The following MCTP1 variants were observed in gnomAD, a reference collection of about 807,000 sequenced individuals.
MCTP1 encodes multiple C2 and transmembrane domain-containing protein 1.
In MCTP1, 69 loss-of-function variants were observed where a neutral mutation model predicts 120.6. The ratio of observed to expected loss-of-function variants is 0.57; its 90% CI spans 0.47 to 0.70. The LOEUF (loss-of-function observed/expected upper bound fraction) is 0.70. MCTP1 is among the 30% of genes least tolerant of loss of function. MCTP1 has a pLI of 0.00. For missense variants in MCTP1, 1,203 were observed against 1,248.8 expected (o/e 0.96, Z 0.55); for synonymous variants, 529 against 493.1 (o/e 1.07, Z -0.96).
intron 1 of MCTP1, among the ~76,000 whole-genome samples, chr5:95,092,753 TAATA>T (rs1231317447): frequency 6.6e-6 from 1 of 151,984 alleles, no homozygotes; most frequent in Non-Finnish European, 1.5e-5. Flanking sequence ...TTTTCAAAAA[TAATA>T]AATAAAAAGA....
intron 1 of MCTP1, among the ~76,000 whole-genome samples, chr5:95,208,086 C>CTGT (rs779903449): frequency 3.3e-4 from 50 of 151,596 alleles, no homozygotes; most frequent in African/African-American, 1.1e-3. Context: ...ACAGATTACC[C>CTGT]TGTTGTTGTT....
intron 1 of MCTP1, among the ~76,000 whole-genome samples, chr5:95,232,248 C>A (rs1224149942): frequency 7.2e-6 from 1 of 139,466 alleles, no homozygotes; most frequent in African/African-American, 2.7e-5. Context: ...CAAAAGAAGA[C>A]AGATACAAAG....
chr5:94,717,308 C>T (rs1759715263), intron 19 of MCTP1, among the ~76,000 whole-genome samples: 1 of 152,082 alleles, frequency 6.6e-6, no homozygotes, highest in East Asian at 1.9e-4. Flanking sequence ...AAAAGGCCTT[C>T]GATAAAATTC....
At chr5:95,113,458 A>G (rs988220584) in intron 1 of MCTP1, among the ~76,000 whole-genome samples, 3 of 152,022 alleles carry the variant, frequency 2.0e-5, no homozygotes, top group African/African-American at 4.8e-5. Flanking sequence ...TGGAGAGAGA[A>G]TCTGTGCACT....
chr5:95,148,785 T>C (rs1582369540), intron 1 of MCTP1, among the ~76,000 whole-genome samples: 1 of 152,170 alleles, frequency 6.6e-6, no homozygotes. Context: ...CCTGTGTTGA[T>C]TCTTTCTCAT....
Position 94,872,754 on chromosome 5 carries a change from G to T in MCTP1, c.2036+385C>A, listed in dbSNP as rs1053770796. Among the ~76,000 whole-genome samples the T allele has an allele frequency of 2.0e-5, 3 of 152,200 alleles. No homozygotes were observed. In the East Asian group the frequency reaches 5.8e-4, roughly 30 times the overall value. On this transcript the variant is annotated intron_variant, in intron 13 of 22. Coordinates refer to ENST00000515393, the MANE Select transcript of MCTP1 (RefSeq NM_024717.7). ...AAAGCATCTGCCGAATTCGAGACTG[G>T]ATTGTTTGCTGATTTCAGCAATGGA...
chr5:95,188,781 T>C (rs942080158), intron 1 of MCTP1, among the ~76,000 whole-genome samples: 5 of 152,038 alleles, frequency 3.3e-5, no homozygotes, highest in African/African-American at 1.2e-4. Context: ...AAACTACACA[T>C]GAAATAAAAT....
At chr5:94,996,827 C>T (rs1017230350) in intron 2 of MCTP1, among the ~76,000 whole-genome samples, 1 of 152,008 alleles carries the variant, frequency 6.6e-6, no homozygotes, top group African/African-American at 2.4e-5. Context: ...ATTCCATGAT[C>T]CATAATTCAC....
intron 17 of MCTP1, chr5:94,826,535 T>C: frequency 4.2e-6 from 3 of 714,502 alleles, no homozygotes; most frequent in Non-Finnish European, 7.7e-6. Context: ...TGATAGTGCT[T>C]CATTTTTTCA....
chr5:94,955,654 T>C (rs971787230), intron 2 of MCTP1, among the ~76,000 whole-genome samples: 4 of 152,120 alleles, frequency 2.6e-5, no homozygotes, highest in Non-Finnish European at 5.9e-5. Context: ...CTGCAGAAAG[T>C]TCAGACAGGG....
intron 2 of MCTP1, among the ~76,000 whole-genome samples, chr5:94,998,254 A>C (rs952877428): frequency 1.3e-5 from 2 of 152,180 alleles, no homozygotes; most frequent in African/African-American, 4.8e-5. Flanking sequence ...AAAATTGCTA[A>C]ACTATTTATT....
At chr5:94,961,899 T>C (rs1227524981) in intron 2 of MCTP1, among the ~76,000 whole-genome samples, 5 of 152,184 alleles carry the variant, frequency 3.3e-5, no homozygotes, top group African/African-American at 7.2e-5. Flanking sequence ...ATGTGATTTT[T>C]TTCTTGCTAA....
rs75523236 is a variant in MCTP1, at chr5:94,812,336, T to G, written c.2437-13204A>C. ...ACAAGCTTCAGGAAGGTTTCAGATC[T>G]CTCTGAAATTTAATGTCCTCTCAAG... On this transcript the variant is annotated intron_variant, in intron 17 of 22. Coordinates refer to ENST00000515393, the MANE Select transcript of MCTP1 (RefSeq NM_024717.7). 3.4e-4 allele frequency among the ~76,000 whole-genome samples: 52 copies of G among 152,046 alleles called. No individual in the cohort carries two copies. In the East Asian group the frequency reaches 0.01, roughly 29 times the overall value.
At position 94,821,362 on chromosome 5, in the gene MCTP1, T is replaced by A. The variant is rs114578216; in HGVS notation, c.2437-22230A>T. On this transcript the variant is annotated intron_variant, in intron 17 of 22. Transcript: ENST00000515393. Reference sequence around the variant, plus strand: ...TATCAAGAAAATTGTGAATCATGTATCTGATAGGGTTTCCCTTCATCGACC... The same window carrying A: ...TATCAAGAAAATTGTGAATCATGTAACTGATAGGGTTTCCCTTCATCGACC... Among the ~76,000 whole-genome samples the A allele has an allele frequency of 3.2e-3, 492 of 152,256 alleles. 5 individuals are homozygous for A. The highest frequency in any genetic ancestry group is 0.011 in the African/African-American group (472 of 41,558).
chr5:94,993,613 C>G (rs1832036749), intron 2 of MCTP1, among the ~76,000 whole-genome samples: 2 of 152,140 alleles, frequency 1.3e-5, no homozygotes, highest in Admixed American at 6.6e-5. Flanking sequence ...TACAGAAACT[C>G]TAAATGGCAT....
intron 19 of MCTP1, among the ~76,000 whole-genome samples, chr5:94,754,423 A>T (rs1554088160): frequency 6.6e-6 from 1 of 152,258 alleles, no homozygotes; most frequent in Non-Finnish European, 1.5e-5. Context: ...CAGAGTTTTA[A>T]ATCTCAATAA....
chr5:94,752,847 G>A (rs1398263979), intron 19 of MCTP1, among the ~76,000 whole-genome samples: 1 of 152,184 alleles, frequency 6.6e-6, no homozygotes, highest in Admixed American at 6.5e-5. Context: ...CAGGATAACA[G>A]GTGTAAACAG....
intron 19 of MCTP1, among the ~76,000 whole-genome samples, chr5:94,777,758 T>C (rs1383811532): frequency 6.6e-6 from 1 of 152,178 alleles, no homozygotes; most frequent in African/African-American, 2.4e-5. Context: ...TATGCTCATG[T>C]TATTTAACAT....
chr5:95,185,115 T>C (rs1214724231), intron 1 of MCTP1, among the ~76,000 whole-genome samples: 1 of 152,154 alleles, frequency 6.6e-6, no homozygotes, highest in Non-Finnish European at 1.5e-5. Flanking sequence ...GTGGGCAAGG[T>C]GAACCCACTG....
Sources: gnomAD v4.1 joint callset for allele counts (sites outside exome capture counted in the v4.1 genomes callset) on GRCh38, gnomAD v4.1.1 for gene constraint, MANE v1.5 for transcripts, NCBI Gene and HGNC (gene_info 2026-07-23, HGNC 2026-07-21) for gene names.